AKAP19: variants seen among roughly 807,000 people sequenced by gnomAD.
AKAP19 encodes small A-kinase anchoring protein.
At chr2:189,953,650 A>C in the AKAP19 span, among the ~76,000 whole-genome samples, 349 of 144,108 alleles carry the variant, frequency 2.4e-3, no homozygotes, top group Non-Finnish European at 4.2e-3. Flanking sequence ...AAAAAAAAAA[A>C]AAAAAAAAAC....
the AKAP19 span, among the ~76,000 whole-genome samples, chr2:189,986,148 A>C: frequency 6.6e-6 from 1 of 152,122 alleles, no homozygotes. Flanking sequence ...TCTTGGGCAA[A>C]TGGCCACCAG....
At chr2:190,123,072 A>G in the AKAP19 span, among the ~76,000 whole-genome samples, 1 of 152,084 alleles carries the variant, frequency 6.6e-6, no homozygotes, top group Non-Finnish European at 1.5e-5. Context: ...CCAGCCTCCC[A>G]AAGCACTGGG....
chr2:190,172,413 C>A, the AKAP19 span, among the ~76,000 whole-genome samples: 1 of 152,136 alleles, frequency 6.6e-6, no homozygotes, highest in Non-Finnish European at 1.5e-5. Flanking sequence ...TGGTATAGAT[C>A]GTTGTCCAGA....
chr2:189,971,301 A>C, the AKAP19 span, among the ~76,000 whole-genome samples: 1 of 152,178 alleles, frequency 6.6e-6, no homozygotes, highest in Non-Finnish European at 1.5e-5. Context: ...TGTCCCTACA[A>C]AGTACATGAA....
At chr2:190,060,016 A>G in the AKAP19 span, 3 of 1,579,624 alleles carry the variant, frequency 1.9e-6, no homozygotes, top group Non-Finnish European at 2.6e-6. Flanking sequence ...CATATTATGA[A>G]TAAAAACATA....
chr2:189,973,284 G>A, the AKAP19 span, among the ~76,000 whole-genome samples: 1 of 152,078 alleles, frequency 6.6e-6, no homozygotes, highest in Non-Finnish European at 1.5e-5. Context: ...GCTGGATTAT[G>A]TTTATTGATT....
the AKAP19 span, among the ~76,000 whole-genome samples, chr2:190,001,952 A>G: frequency 6.6e-6 from 1 of 152,186 alleles, no homozygotes; most frequent in African/African-American, 2.4e-5. Flanking sequence ...GCCTTTGGGA[A>G]ATCACTTCCA....
the AKAP19 span, among the ~76,000 whole-genome samples, chr2:189,892,254 T>C: frequency 6.6e-6 from 1 of 152,126 alleles, no homozygotes; most frequent in Non-Finnish European, 1.5e-5. Context: ...AAACTCATTA[T>C]CTGTCCAGTT....
At chr2:190,045,859 C>T in the AKAP19 span, among the ~76,000 whole-genome samples, 3 of 152,198 alleles carry the variant, frequency 2.0e-5, 1 homozygote, top group Admixed American at 2.0e-4. Flanking sequence ...TCTAAGGCTC[C>T]AGGGTCTCCA....
At chr2:190,140,778 A>G in the AKAP19 span, among the ~76,000 whole-genome samples, 138,715 of 152,210 alleles carry the variant, frequency 0.91, 64,116 homozygotes, top group East Asian at 1. Context: ...TTGTCTTGGG[A>G]ATCAACATTT....
the AKAP19 span, among the ~76,000 whole-genome samples, chr2:189,884,114 T>C: frequency 6.6e-5 from 10 of 152,132 alleles, no homozygotes; most frequent in Non-Finnish European, 1.5e-4. Flanking sequence ...TTAGTTATGT[T>C]TTGTAATTTA....
chr2:190,065,616 G>A, the AKAP19 span, among the ~76,000 whole-genome samples: 6 of 152,074 alleles, frequency 3.9e-5, no homozygotes, highest in Non-Finnish European at 5.9e-5. Context: ...TAATGTATTT[G>A]TAAACAAAAA....
At chr2:189,967,314 A>G in the AKAP19 span, among the ~76,000 whole-genome samples, 1 of 152,144 alleles carries the variant, frequency 6.6e-6, no homozygotes, top group African/African-American at 2.4e-5. Flanking sequence ...ATTTTGAACT[A>G]TTGTATTTTT....
the AKAP19 span, among the ~76,000 whole-genome samples, chr2:190,028,704 T>A: frequency 1.2e-4 from 18 of 152,182 alleles, no homozygotes; most frequent in Admixed American, 1.1e-3. Context: ...AGTACATTAT[T>A]ATGTAAATAT....
the AKAP19 span, among the ~76,000 whole-genome samples, chr2:190,049,653 T>C: frequency 2.0e-5 from 3 of 152,222 alleles, no homozygotes; most frequent in Admixed American, 6.5e-5. Context: ...AGTGAAGCAG[T>C]GGAAAGCATT....
the AKAP19 span, among the ~76,000 whole-genome samples, chr2:190,097,256 G>A: frequency 6.6e-6 from 1 of 151,956 alleles, no homozygotes; most frequent in Middle Eastern, 3.2e-3. Flanking sequence ...CCCAATGTGT[G>A]TTGTTTCCCG....
the AKAP19 span, among the ~76,000 whole-genome samples, chr2:190,069,915 G>A: frequency 6.6e-6 from 1 of 152,114 alleles, no homozygotes; most frequent in African/African-American, 2.4e-5. Context: ...GAGAAACTGA[G>A]GCCCAGAGAG....
chr2:189,889,824 T>A, the AKAP19 span, among the ~76,000 whole-genome samples: 2 of 152,198 alleles, frequency 1.3e-5, no homozygotes, highest in African/African-American at 2.4e-5. Context: ...TCTCTTTTCT[T>A]CTTTATTAGT....
the AKAP19 span, among the ~76,000 whole-genome samples, chr2:189,925,100 A>G: frequency 6.6e-6 from 1 of 152,246 alleles, no homozygotes; most frequent in South Asian, 2.1e-4. Context: ...TATTGCACAT[A>G]TGAAAGTGAA....
Sources: gnomAD v4.1 joint callset for allele counts (sites outside exome capture counted in the v4.1 genomes callset) on GRCh38, gnomAD v4.1.1 for gene constraint, MANE v1.5 for transcripts, NCBI Gene and HGNC (gene_info 2026-07-23, HGNC 2026-07-21) for gene names.